The following PCIF1 variants were observed in gnomAD, a reference collection of about 807,000 sequenced individuals.
PCIF1 encodes the protein mRNA (2'-O-methyladenosine-N(6)-)-methyltransferase.
In PCIF1, 12 loss-of-function variants were observed where a neutral mutation model predicts 86.9. The observed-to-expected ratio is 0.14, with a 90% CI of 0.09 to 0.22. The LOEUF is 0.22. Ranked by LOEUF, PCIF1 falls within the 10% of genes least tolerant of loss-of-function variation. PCIF1 has a pLI of 1.00. For synonymous variants in PCIF1, 397 were observed against 372.0 expected (o/e 1.07, Z -0.77); for missense variants, 701 against 951.1 (o/e 0.74, Z 3.46).
Position 45,941,194 on chromosome 20 carries a change from C to A in PCIF1, c.660C>A (p.Cys220Ter). The A allele has an allele frequency of 6.2e-7, 1 of 1,605,418 alleles. No homozygotes were observed. The highest frequency in any genetic ancestry group is 8.5e-7 in the Non-Finnish European group (1 of 1,174,634). The change falls in exon 7 of 17, where the codon TGC becomes TGA. Residue 220 changes from cysteine (C) to a stop codon, truncating the protein, a stop_gained. Transcript: ENST00000372409. LOFTEE classifies it high-confidence loss of function. ...TTCGGCAGCACTATCGGGAGCTGTGCCAGCAGCGAGAGGGTACCTGCCTCT... is the reference window on the plus strand; with the variant it reads ...TTCGGCAGCACTATCGGGAGCTGTGACAGCAGCGAGAGGGTACCTGCCTCT... ...LKLRQHYREL[C>*]QQREGIEPPR...
chr20:45,947,221 G>A lies in PCIF1; in HGVS notation c.1708-42G>A, dbSNP rs1273849371. 6.2e-7 allele frequency: 1 copy of A among 1,600,716 alleles called. No individual in the cohort carries two copies. The highest frequency in any genetic ancestry group is 1.1e-5 in the South Asian group (1 of 90,274). On this transcript the variant is annotated intron_variant, in intron 15 of 16. Coordinates refer to ENST00000372409, the MANE Select transcript of PCIF1 (RefSeq NM_022104.4). This position sits in a 1 kb window ranked among gnomAD's most constrained non-coding sequence, Gnocchi z 5.4. Reference sequence around the variant, plus strand: ...CAACAGGCAGGATTGCCAGCCACCTGGGAGGTAGTCCCTGACATCCACCCT... The same window carrying A: ...CAACAGGCAGGATTGCCAGCCACCTAGGAGGTAGTCCCTGACATCCACCCT...
intron 7 of PCIF1, among the ~76,000 whole-genome samples, chr20:45,941,864 G>T (rs947544406): frequency 2.6e-5 from 4 of 151,780 alleles, no homozygotes; most frequent in African/African-American, 9.7e-5. Context: ...TGGGATTACA[G>T]ATGTGAGCCA....
chr20:45,937,582 G>A lies in PCIF1; in HGVS notation c.-23G>A, dbSNP rs1315573857. On this transcript the variant is annotated 5_prime_UTR_variant, in exon 2 of 17. Transcript: ENST00000372409. ...TCTCATGCTAACGTTGCAGACCCCA[G>A]AGGGTGAGAGAAAGGGGGACTTCAT... 5.0e-6 allele frequency: 2 copies of A among 398,780 alleles called. No homozygotes were observed. Among genetic ancestry groups the A allele is most frequent in the African/African-American group, 4.1e-5 (2 of 48,630 alleles). The allele number at this position is 398,780 out of a possible 1,614,324, so 24.7% of individuals were successfully genotyped here.
intron 1 of PCIF1, among the ~76,000 whole-genome samples, chr20:45,936,380 G>A (rs1338262899): frequency 6.7e-6 from 1 of 148,336 alleles, no homozygotes; most frequent in Non-Finnish European, 1.5e-5. Flanking sequence ...TAGTAGAGAC[G>A]GGGTTTCACT....
At chr20:45,940,652 GC>G in intron 5 of PCIF1, 40 bp downstream of exon 5, 2 of 1,580,812 alleles carry the variant, frequency 1.3e-6, no homozygotes, top group Non-Finnish European at 1.7e-6. Context: ...CGAGCGGCCG[GC>G]TCAGACGGGC....
In PCIF1 at chr20:45,943,269, C is replaced by A; in HGVS notation, c.821+25C>A. ...GGTACAGCTCCACAGCTGGGGATGA[C>A]CCTGGGCCATTTGGTTTCTGTGCCC... On this transcript the variant is annotated intron_variant, in intron 8 of 16. Transcript: ENST00000372409. The surrounding 1 kb of genome is among the most constrained non-coding windows in gnomAD (Gnocchi z 5.5). 1 of 1,613,994 alleles carries A rather than the reference C, an allele frequency of 6.2e-7. No individual in the cohort carries two copies. The highest frequency in any genetic ancestry group is 8.5e-7 in the Non-Finnish European group (1 of 1,179,880).
In PCIF1 at chr20:45,941,098, C is replaced by G; in HGVS notation, c.564C>G (p.His188Gln). The change falls in exon 7 of 17, where the codon CAC becomes CAG. Residue 188 changes from histidine (H) to glutamine (Q), a missense_variant. Coordinates refer to ENST00000372409, the MANE Select transcript of PCIF1 (RefSeq NM_022104.4). ...TCCAGACCAATGCTGTCATCAAGCA[C>G]CGGGGGCCTTCAGAGGTGCTGCCCC... ...LDIQTNAVIK[H>Q]RGPSEVLPPH... is the part of the protein sequence containing the mutation. 6.2e-7 allele frequency: 1 copy of G among 1,614,240 alleles called. No homozygotes were observed. Among genetic ancestry groups the G allele is most frequent in the South Asian group, 1.1e-5 (1 of 91,088 alleles).
At position 45,938,982 on chromosome 20, in the gene PCIF1, TC is replaced by T; in HGVS notation, c.-16del. ...ACTCTTTGGTCCTCTGTGTGGCAGG[TC>T]CTGTGTGGGTGTGGAGATGGCCAAT... is the stretch of plus-strand genomic sequence containing the variant. On this transcript the variant is annotated splice_region_variant and 5_prime_UTR_variant, in exon 3 of 17. Coordinates refer to ENST00000372409, the MANE Select transcript of PCIF1 (RefSeq NM_022104.4). 6.2e-7 allele frequency: 1 copy of T among 1,612,676 alleles called. No individual in the cohort carries two copies. The highest frequency in any genetic ancestry group is 8.5e-7 in the Non-Finnish European group (1 of 1,179,516).
rs745774162 is a variant in PCIF1, at chr20:45,947,683, G to C, written c.2043G>C (p.Ser681=). The change falls in exon 17 of 17, where the codon TCG becomes TCC. Residue 681 remains serine, a synonymous_variant. Coordinates refer to ENST00000372409, the MANE Select transcript of PCIF1 (RefSeq NM_022104.4). This position sits in a 1 kb window ranked among gnomAD's most constrained non-coding sequence, Gnocchi z 5.4. ...GRSHSSGSSS[S]SSSEAKDRDS... ...GCCACAGCTCTGGTTCTTCCTCATC[G>C]TCCTCCTCGGAGGCCAAGGACCGGG... 1 of 1,610,540 alleles carries C rather than the reference G, an allele frequency of 6.2e-7. No homozygotes were observed. The highest frequency in any genetic ancestry group is 8.5e-7 in the Non-Finnish European group (1 of 1,178,492).
At chr20:45,936,235 C>T (rs377663127) in intron 1 of PCIF1, among the ~76,000 whole-genome samples, 3 of 151,904 alleles carry the variant, frequency 2.0e-5, no homozygotes, top group African/African-American at 4.8e-5. Flanking sequence ...AGTGCAGTGG[C>T]GCGATCTCAG....
chr20:45,940,556 A>G lies in PCIF1; in HGVS notation c.331A>G (p.Arg111Gly), dbSNP rs773800076. ...AACTCCCCCGGCTGAGAACAAGCCC[A>G]GAAAGCGGCAGCTCTCGGAAGAGCA... ...VETPPAENKPRKRQLSEEQPS... is the reference protein window; with the variant it reads ...VETPPAENKPGKRQLSEEQPS... Residue 111 changes from arginine to glycine, a missense_variant, in exon 5 of 17, where the codon AGA becomes GGA. Physicochemically the swap from Arg to Gly is moderately radical, Grantham distance 125. Around this residue, in one of 7 missense-constraint regions of PCIF1, gnomAD observed 125 missense variants for 126.8 expected, o/e 0.99. Coordinates refer to ENST00000372409, the MANE Select transcript of PCIF1 (RefSeq NM_022104.4). The G allele has an allele frequency of 1.2e-6, 2 of 1,609,118 alleles. No homozygotes were observed. Among genetic ancestry groups the G allele is most frequent in the Admixed American group, 1.7e-5 (1 of 59,324 alleles).
chr20:45,940,838 G>C lies in PCIF1; in HGVS notation c.417G>C (p.Gln139His). The C allele has an allele frequency of 1.2e-6, 2 of 1,614,092 alleles. No homozygotes were observed. Among genetic ancestry groups the C allele is most frequent in the Non-Finnish European group, 1.7e-6 (2 of 1,179,984 alleles). ...KIEIPVTPTG[Q>H]SVPSSPSIPG... ...AAATCCCAGTGACACCCACAGGCCA[G>C]TCGGTGCCCAGCTCCCCCAGTATCC... is the stretch of plus-strand genomic sequence containing the variant. Residue 139 changes from glutamine (Q) to histidine (H), a missense_variant, in exon 6 of 17, where the codon CAG becomes CAC. By Grantham distance (24) the Gln-to-His change is conservative (BLOSUM62 0). This residue lies in a region of PCIF1 where 125 missense variants were observed against 126.8 expected (regional missense o/e 0.99). Coordinates refer to ENST00000372409, the MANE Select transcript of PCIF1 (RefSeq NM_022104.4).
chr20:45,944,997 C>T lies in PCIF1; in HGVS notation c.1135C>T (p.His379Tyr). 2 of 1,613,522 alleles carry T rather than the reference C, an allele frequency of 1.2e-6. No homozygotes were observed. Among genetic ancestry groups the T allele is most frequent in the Non-Finnish European group, 1.7e-6 (2 of 1,179,740 alleles). The stretch of plus-strand genomic sequence containing the variant: ...GTACGTCAAACGGATCCGAGAGAAG[C>T]ACCTTGCCATCCTCAAGGAAAACAA... ...LEYVKRIREKHLAILKENNIS... is the reference protein window; with the variant it reads ...LEYVKRIREKYLAILKENNIS... The change falls in exon 11 of 17, where the codon CAC becomes TAC. Residue 379 changes from histidine to tyrosine, a missense_variant. Transcript: ENST00000372409.
chr20:45,945,661 G>A, intron 11 of PCIF1, 50 bp from the exon 12 acceptor site: 1 of 1,587,486 alleles, frequency 6.3e-7, no homozygotes, highest in Non-Finnish European at 8.6e-7. Flanking sequence ...CACAGTGGCT[G>A]CAGCGTGAGA....
In PCIF1 at chr20:45,947,101, G is replaced by A; in HGVS notation, c.1642G>A (p.Gly548Ser). The change falls in exon 15 of 17, where the codon GGT (glycine) becomes AGT (serine). Residue 548 changes from glycine (G) to serine (S), a missense_variant. Physicochemically the swap from Gly to Ser is moderately conservative, Grantham distance 56. Coordinates refer to ENST00000372409, the MANE Select transcript of PCIF1 (RefSeq NM_022104.4). The surrounding 1 kb of genome is among the most constrained non-coding windows in gnomAD (Gnocchi z 5.4). Reference sequence around the variant, plus strand: ...CTGCCTAGACTTTGCTCCACTGAGTGGTTCATTTGAGGCCAACCCTCCCTT... The same window carrying A: ...CTGCCTAGACTTTGCTCCACTGAGTAGTTCATTTGAGGCCAACCCTCCCTT... ...GPCLDFAPLSGSFEANPPFCE... is the reference protein window; with the variant it reads ...GPCLDFAPLSSSFEANPPFCE... 6.2e-7 allele frequency: 1 copy of A among 1,613,384 alleles called. No individual in the cohort carries two copies. The highest frequency in any genetic ancestry group is 8.5e-7 in the Non-Finnish European group (1 of 1,179,410).
chr20:45,935,934 C>G (rs2083421828), intron 1 of PCIF1, among the ~76,000 whole-genome samples: 2 of 152,014 alleles, frequency 1.3e-5, no homozygotes, highest in East Asian at 1.9e-4. Flanking sequence ...TGTGCGTATT[C>G]TGCAAAGTTC....
rs1568793699 is a variant in PCIF1, at chr20:45,942,095, C to T, written c.673+888C>T. Among the ~76,000 whole-genome samples, 4 of 150,624 alleles carry T rather than the reference C, an allele frequency of 2.7e-5. No individual in the cohort carries two copies. In the South Asian group the frequency reaches 8.4e-4, roughly 32 times the overall value. On this transcript the variant is annotated intron_variant, in intron 7 of 16. Coordinates refer to ENST00000372409, the MANE Select transcript of PCIF1 (RefSeq NM_022104.4). ...GGTTCAAGCGATTCTTCTGCCTCAG[C>T]CTCCTGAGTAGCTGGGACTACAGGT...
intron 14 of PCIF1, 37 bp downstream of exon 14, chr20:45,946,421 G>C (rs2083527179): frequency 6.2e-7 from 1 of 1,601,194 alleles, no homozygotes; most frequent in East Asian, 2.2e-5. Flanking sequence ...CCAGGCCAGG[G>C]AAGAGGTCCT....
At position 45,947,454 on chromosome 20, in the gene PCIF1, G is replaced by A. The variant is rs1406100278; in HGVS notation, c.1883+16G>A. 1.9e-6 allele frequency: 3 copies of A among 1,613,702 alleles called. No individual in the cohort carries two copies. Among genetic ancestry groups the A allele is most frequent in the Non-Finnish European group, 2.5e-6 (3 of 1,179,976 alleles). ...TCTGCAAGAAGTGGGTGCCAGGGAGGGCAGGGGAAGGAGGCTGGGCTGGCC... is the reference window on the plus strand; with the variant it reads ...TCTGCAAGAAGTGGGTGCCAGGGAGAGCAGGGGAAGGAGGCTGGGCTGGCC... On this transcript the variant is annotated intron_variant, in intron 16 of 16. Coordinates refer to ENST00000372409, the MANE Select transcript of PCIF1 (RefSeq NM_022104.4). This position sits in a 1 kb window ranked among gnomAD's most constrained non-coding sequence, Gnocchi z 5.4.
Sources: allele counts gnomAD v4.1 joint callset (sites outside exome capture counted in the v4.1 genomes callset), GRCh38; gene constraint gnomAD v4.1.1; regional missense constraint gnomAD v4.1.1; non-coding constraint Gnocchi (gnomAD v3.1); transcripts MANE v1.5; gene names NCBI Gene and HGNC (gene_info 2026-07-23, HGNC 2026-07-21).